Variants in AGBL4 observed in about 807,000 individuals in gnomAD.
AGBL4 encodes cytosolic carboxypeptidase 6.
AGBL4 carries 58 observed loss-of-function variants against 66.4 expected under a neutral mutation model. The observed-to-expected ratio is 0.87, with a 90% CI of 0.71 to 1.09. The LOEUF is 1.09. Among genes scored for constraint, AGBL4 ranks in the 50% least tolerant of loss-of-function variants. The pLI is 0.00. For missense variants in AGBL4, 579 were observed against 631.0 expected (o/e 0.92, Z 0.88); for synonymous variants, 234 against 222.9 (o/e 1.05, Z -0.44).
intron 4 of AGBL4, among the ~76,000 whole-genome samples, chr1:49,096,070 CAACA>C (rs1414922004): frequency 6.6e-6 from 1 of 151,868 alleles, no homozygotes; most frequent in Non-Finnish European, 1.5e-5. Context: ...TTTATGCAGC[CAACA>C]GACACATGAA....
At chr1:49,159,339 T>A (rs1646496646) in intron 4 of AGBL4, among the ~76,000 whole-genome samples, 1 of 152,194 alleles carries the variant, frequency 6.6e-6, no homozygotes, top group Non-Finnish European at 1.5e-5. Flanking sequence ...TTTGGCTGGA[T>A]ATGAAATTCT....
chr1:49,298,581 C>A (rs954540077), intron 3 of AGBL4, among the ~76,000 whole-genome samples: 2 of 152,216 alleles, frequency 1.3e-5, no homozygotes, highest in African/African-American at 4.8e-5. Flanking sequence ...GGTGCTGGCA[C>A]TGCCTCCCAG....
intron 5 of AGBL4, among the ~76,000 whole-genome samples, chr1:49,030,820 C>CAA (rs34872551): frequency 3.4e-4 from 21 of 61,930 alleles, no homozygotes; most frequent in African/African-American, 6.2e-4. Flanking sequence ...TAAGTAGAGG[C>CAA]AAAAAAAAAA....
intron 5 of AGBL4, among the ~76,000 whole-genome samples, chr1:48,969,361 C>G (rs561909228): frequency 6.6e-6 from 1 of 152,230 alleles, no homozygotes; most frequent in South Asian, 2.1e-4. Context: ...TTGCAGTCTC[C>G]TTTTTCAAAG....
At chr1:48,762,240 A>G (rs1318985143) in intron 6 of AGBL4, among the ~76,000 whole-genome samples, 1 of 152,216 alleles carries the variant, frequency 6.6e-6, no homozygotes, top group Non-Finnish European at 1.5e-5. Flanking sequence ...ACTGAATGTA[A>G]AGTGCTACAC....
At chr1:49,306,086 T>C (rs956829317) in intron 3 of AGBL4, among the ~76,000 whole-genome samples, 3 of 152,212 alleles carry the variant, frequency 2.0e-5, no homozygotes, top group African/African-American at 7.2e-5. Context: ...TTTCATCTTT[T>C]TCATCTGAAT....
chr1:49,183,792 T>C (rs1646969312), intron 4 of AGBL4, among the ~76,000 whole-genome samples: 1 of 152,200 alleles, frequency 6.6e-6, no homozygotes, highest in African/African-American at 2.4e-5. Context: ...ATAGCTCTTA[T>C]ATTACTCCAA....
At chr1:48,879,171 A>C (rs72891902) in intron 5 of AGBL4, among the ~76,000 whole-genome samples, 1 of 151,976 alleles carries the variant, frequency 6.6e-6, no homozygotes, top group South Asian at 2.1e-4. Context: ...CTTTTGTTAC[A>C]TGGAGAAAGC....
intron 7 of AGBL4, among the ~76,000 whole-genome samples, chr1:48,658,342 C>T (rs1302381924): frequency 6.6e-6 from 1 of 152,198 alleles, no homozygotes; most frequent in East Asian, 1.9e-4. Context: ...GTTCTCTGTT[C>T]AGAGGCAGTC....
In AGBL4 at chr1:49,372,675, CT is replaced by C. The variant is rs1557878779; in HGVS notation, c.283-126812del. On this transcript the variant is annotated intron_variant, in intron 3 of 13. Transcript: ENST00000371839. The stretch of plus-strand genomic sequence containing the variant: ...TCTTTCTTTCTTTCTTTCTTTCTTT[CT>C]TTCTCTTTCTTTCTCTTTCTTTCTT... Among the ~76,000 whole-genome samples the C allele has an allele frequency of 1.0e-4, 11 of 107,822 alleles. 1 individual carries two copies. Among genetic ancestry groups the C allele is most frequent in the Admixed American group, 7.2e-4 (7 of 9,744 alleles). The allele number at this position is 107,822 out of a possible 152,430, so 70.7% of individuals were successfully genotyped here. A position where few individuals can be genotyped will look rare whatever the true frequency, so the allele number is the denominator to read the frequency against.
chr1:49,671,304 C>A (rs1371202262), intron 3 of AGBL4, among the ~76,000 whole-genome samples: 1 of 152,220 alleles, frequency 6.6e-6, no homozygotes, highest in Non-Finnish European at 1.5e-5. Flanking sequence ...AAGCTAGACC[C>A]CTTCCTTACA....
chr1:49,138,397 A>G (rs1357363039), intron 4 of AGBL4, among the ~76,000 whole-genome samples: 2 of 152,052 alleles, frequency 1.3e-5, no homozygotes, highest in Non-Finnish European at 2.9e-5. Flanking sequence ...TCTTCTTCCT[A>G]AACTCCTCCC....
intron 3 of AGBL4, among the ~76,000 whole-genome samples, chr1:49,626,903 TC>T (rs557704614): frequency 6.6e-6 from 1 of 152,212 alleles, no homozygotes; most frequent in South Asian, 2.1e-4. Context: ...GGTAGTTGTT[TC>T]CTGGAGGGCA....
At chr1:49,921,062 G>C (rs1652181014) in intron 1 of AGBL4, among the ~76,000 whole-genome samples, 1 of 152,152 alleles carries the variant, frequency 6.6e-6, no homozygotes, top group South Asian at 2.1e-4. Context: ...GACACAGGAA[G>C]TGGAACATCA....
At chr1:49,060,054 T>C (rs1287403308) in intron 4 of AGBL4, among the ~76,000 whole-genome samples, 1 of 152,162 alleles carries the variant, frequency 6.6e-6, no homozygotes, top group East Asian at 1.9e-4. Flanking sequence ...GATTATGTTT[T>C]GAAATGTGAG....
intron 6 of AGBL4, among the ~76,000 whole-genome samples, chr1:48,826,264 G>A (rs540439496): frequency 6.6e-6 from 1 of 152,272 alleles, no homozygotes; most frequent in Admixed American, 6.5e-5. Flanking sequence ...TGGGGCTGAT[G>A]ATAATTGCAT....
intron 3 of AGBL4, among the ~76,000 whole-genome samples, chr1:49,465,495 C>T (rs1646611628): frequency 6.6e-6 from 1 of 151,804 alleles, no homozygotes; most frequent in Non-Finnish European, 1.5e-5. Flanking sequence ...TCCCTATCTC[C>T]TCCATATCAA....
At chr1:48,725,056 G>T (rs183321473) in intron 6 of AGBL4, among the ~76,000 whole-genome samples, 1 of 152,266 alleles carries the variant, frequency 6.6e-6, no homozygotes, top group Admixed American at 6.5e-5. Flanking sequence ...GCATTTGGTG[G>T]CCATGAAGAG....
chr1:49,767,172 C>A (rs1234625685), intron 2 of AGBL4, among the ~76,000 whole-genome samples: 3 of 152,142 alleles, frequency 2.0e-5, no homozygotes, highest in Non-Finnish European at 2.9e-5. Context: ...TATCTGAACA[C>A]TGAATATACT....
Sources: allele counts gnomAD v4.1 joint callset (sites outside exome capture counted in the v4.1 genomes callset), GRCh38; gene constraint gnomAD v4.1.1; transcripts MANE v1.5; gene names NCBI Gene and HGNC (gene_info 2026-07-23, HGNC 2026-07-21).